The following ESRRG variants were observed in gnomAD, a reference collection of about 807,000 sequenced individuals.
ESRRG encodes the protein estrogen related receptor gamma.
ESRRG carries 13 observed loss-of-function variants against 44.0 expected under a neutral mutation model. The observed-to-expected ratio is 0.30, with a 90% CI of 0.19 to 0.47. ESRRG has a LOEUF of 0.47. Among genes scored for constraint, ESRRG ranks in the 20% least tolerant of loss-of-function variants. The probability of loss-of-function intolerance (pLI) is 1.00; values close to 1 mark genes in which losing one functional copy is unlikely to be tolerated. For synonymous variants in ESRRG, 215 were observed against 214.6 expected (o/e 1.00, Z -0.02); for missense variants, 395 against 580.6 (o/e 0.68, Z 3.29).
intron 3 of ESRRG, among the ~76,000 whole-genome samples, chr1:216,618,426 G>A (rs918629808): frequency 2.0e-5 from 3 of 152,170 alleles, no homozygotes. Flanking sequence ...TACAGGAATT[G>A]AATCTGCCAC....
In ESRRG at chr1:216,506,627, A is replaced by G. The variant is rs945311244; in HGVS notation, c.*312T>C. On this transcript the variant is annotated 3_prime_UTR_variant, in exon 7 of 7. Coordinates refer to ENST00000408911, the MANE Select transcript of ESRRG (RefSeq NM_001438.4). ...AAGAAGGCAGGCAGACGGGAAGAAA[A>G]TAAAGGAGAATGGGAACTAGGAATG... 1 of 500,460 alleles carries G rather than the reference A, an allele frequency of 2.0e-6. No individual in the cohort carries two copies. The highest frequency in any genetic ancestry group is 1.9e-5 in the African/African-American group (1 of 52,064). The allele number at this position is 500,460 out of a possible 1,614,324, so 31.0% of individuals were successfully genotyped here. A position where few individuals can be genotyped will look rare whatever the true frequency, so the allele number is the denominator to read the frequency against.
At chr1:216,676,119 C>A (rs1439061789) in intron 2 of ESRRG, among the ~76,000 whole-genome samples, 1 of 152,094 alleles carries the variant, frequency 6.6e-6, no homozygotes, top group African/African-American at 2.4e-5. Flanking sequence ...TTTTTTTCTT[C>A]CCCTATTTTC....
At chr1:217,124,666 G>A (rs1043502410) in intron 1 of ESRRG, among the ~76,000 whole-genome samples, 1 of 152,104 alleles carries the variant, frequency 6.6e-6, no homozygotes, top group Non-Finnish European at 1.5e-5. Flanking sequence ...GTTCTACTTA[G>A]ATATAGCCAC....
rs1364369555 is a variant in ESRRG at position 216,821,709 on chromosome 1, T to TA, written c.-14+117872dup. Among the ~76,000 whole-genome samples, 338 of 96,182 alleles carry TA rather than the reference T, an allele frequency of 3.5e-3. 20 individuals are homozygous for TA. The highest frequency in any genetic ancestry group is 9.7e-3 in the African/African-American group (308 of 31,660). 63.1% of individuals were successfully genotyped at this position (96,182 alleles called of 152,430 possible). A position where few individuals can be genotyped will look rare whatever the true frequency, so the allele number is the denominator to read the frequency against. ...CAGGAAAAATAAATAAATAAATAAA[T>TA]AAATAAATAAATAAATAAATAAATA... On this transcript the variant is annotated intron_variant, in intron 2 of 7. Transcript: ENST00000359162.
intron 1 of ESRRG, among the ~76,000 whole-genome samples, chr1:216,705,641 T>C (rs1340289544): frequency 1.3e-5 from 2 of 152,164 alleles, no homozygotes; most frequent in Admixed American, 6.5e-5. Context: ...TATATGCAAA[T>C]CGAATGCTTT....
intron 1 of ESRRG, among the ~76,000 whole-genome samples, chr1:216,699,931 T>C (rs1408441547): frequency 6.6e-6 from 1 of 152,216 alleles, no homozygotes; most frequent in Non-Finnish European, 1.5e-5. Flanking sequence ...GGAATTCCTA[T>C]TTCTCATTTA....
intron 2 of ESRRG, among the ~76,000 whole-genome samples, chr1:216,847,864 A>C (rs1243510144): frequency 6.6e-6 from 1 of 152,120 alleles, no homozygotes; most frequent in Non-Finnish European, 1.5e-5. Flanking sequence ...CTAGTGTACA[A>C]TAATATGTTC....
intron 2 of ESRRG, among the ~76,000 whole-genome samples, chr1:216,813,497 A>T (rs944500568): frequency 6.6e-6 from 1 of 152,200 alleles, no homozygotes; most frequent in Admixed American, 6.5e-5. Flanking sequence ...ATACAGATTT[A>T]TAACTAGTAT....
intron 1 of ESRRG, among the ~76,000 whole-genome samples, chr1:217,119,005 GGATAGATAGATAGATAGATA>G (rs55952668): frequency 2.0e-4 from 27 of 137,486 alleles, no homozygotes; most frequent in African/African-American, 5.9e-4. Flanking sequence ...GAAACTAGAT[GGATAGATAGATAGATAGATA>G]GATAGATAGA....
intron 2 of ESRRG, among the ~76,000 whole-genome samples, chr1:216,855,521 C>T (rs2095916493): frequency 6.6e-6 from 1 of 152,128 alleles, no homozygotes; most frequent in South Asian, 2.1e-4. Flanking sequence ...AACGTAGAAC[C>T]TGAGGCCAGC....
At chr1:217,047,595 AAAT>A in intron 1 of ESRRG, among the ~76,000 whole-genome samples, 1 of 152,306 alleles carries the variant, frequency 6.6e-6, no homozygotes, top group South Asian at 2.1e-4. Flanking sequence ...AATATTTTGG[AAAT>A]AATAAATAGA....
chr1:217,085,018 C>T (rs2091992199), intron 1 of ESRRG, among the ~76,000 whole-genome samples: 1 of 151,732 alleles, frequency 6.6e-6, no homozygotes, highest in Admixed American at 6.6e-5. Context: ...TATACATGTC[C>T]AAGAGGAACG....
At chr1:217,097,279 C>A (rs1434096870) in intron 1 of ESRRG, among the ~76,000 whole-genome samples, 2 of 151,852 alleles carry the variant, frequency 1.3e-5, no homozygotes. Flanking sequence ...CACTCCACCC[C>A]CTCTAAAAAT....
chr1:216,982,885 A>G (rs540140735), intron 1 of ESRRG, among the ~76,000 whole-genome samples: 1 of 152,298 alleles, frequency 6.6e-6, no homozygotes, highest in African/African-American at 2.4e-5. Flanking sequence ...CTAGGTCACA[A>G]TCATCAATAA....
intron 2 of ESRRG, among the ~76,000 whole-genome samples, chr1:216,927,536 T>C (rs757901974): frequency 3.3e-5 from 5 of 152,184 alleles, no homozygotes; most frequent in Non-Finnish European, 5.9e-5. Context: ...GCTGAGCTTC[T>C]GAACTAGAAA....
chr1:216,966,542 G>A (rs1310499672), intron 1 of ESRRG, among the ~76,000 whole-genome samples: 1 of 152,150 alleles, frequency 6.6e-6, no homozygotes, highest in African/African-American at 2.4e-5. Flanking sequence ...TGCCTTCAGT[G>A]GGTGCAGGCT....
At chr1:216,812,658 A>G (rs1295184160) in intron 2 of ESRRG, among the ~76,000 whole-genome samples, 1 of 152,142 alleles carries the variant, frequency 6.6e-6, no homozygotes, top group Non-Finnish European at 1.5e-5. Context: ...TCAAATATAA[A>G]TTCAATTTCT....
At chr1:217,022,879 G>A (rs971452174) in intron 1 of ESRRG, among the ~76,000 whole-genome samples, 12 of 152,102 alleles carry the variant, frequency 7.9e-5, no homozygotes, top group South Asian at 2.1e-4. Context: ...AAGGCAGGGA[G>A]GATGGATGGA....
chr1:217,098,590 A>C (rs830315), intron 1 of ESRRG, among the ~76,000 whole-genome samples: 145,202 of 152,058 alleles, frequency 0.95, 69,701 homozygotes, highest in Middle Eastern at 1. Flanking sequence ...TGCTACAGAG[A>C]AACGGTCTAG....
Sources: gnomAD v4.1 joint callset for allele counts (sites outside exome capture counted in the v4.1 genomes callset) on GRCh38, gnomAD v4.1.1 for gene constraint, MANE v1.5 for transcripts, NCBI Gene and HGNC (gene_info 2026-07-23, HGNC 2026-07-21) for gene names.